ST7: variants seen among roughly 807,000 people sequenced by gnomAD.
The protein encoded by ST7 is suppression of tumorigenicity 7, also known as suppressor of tumorigenicity 7 protein.
Under a neutral mutation model 78.7 loss-of-function variants are expected in ST7, and 28 were observed. The ratio of observed to expected loss-of-function variants is 0.36; its 90% CI spans 0.26 to 0.49. The LOEUF (loss-of-function observed/expected upper bound fraction) is 0.49, where lower values mean the gene tolerates loss of function less well. ST7 is among the 20% of genes least tolerant of loss of function. ST7 has a pLI of 0.99. For missense variants in ST7, 418 were observed against 696.0 expected (o/e 0.60, Z 4.49); for synonymous variants, 247 against 249.6 (o/e 0.99, Z 0.10).
At chr7:117,185,954 A>G (rs1400081731) in intron 10 of ST7, among the ~76,000 whole-genome samples, 2 of 152,176 alleles carry the variant, frequency 1.3e-5, no homozygotes, top group Admixed American at 6.5e-5. Flanking sequence ...TAATAAATAA[A>G]TAAATTAGGC....
intron 2 of ST7, among the ~76,000 whole-genome samples, chr7:117,103,858 A>T (rs1034818194): frequency 2.0e-5 from 3 of 152,246 alleles, no homozygotes; most frequent in African/African-American, 7.2e-5. Flanking sequence ...AGAGATTAAT[A>T]ACCAGAATAT....
At chr7:117,185,965 A>G (rs992764481) in intron 10 of ST7, among the ~76,000 whole-genome samples, 1 of 152,226 alleles carries the variant, frequency 6.6e-6, no homozygotes, top group Non-Finnish European at 1.5e-5. Context: ...TAAATTAGGC[A>G]CAGTAAGAGA....
chr7:117,204,088 C>A (rs565449666), intron 12 of ST7, among the ~76,000 whole-genome samples: 1 of 152,126 alleles, frequency 6.6e-6, no homozygotes, highest in African/African-American at 2.4e-5. Flanking sequence ...CCATATCGGT[C>A]GGTTAATGAC....
At chr7:116,972,302 C>T (rs1375801136) in intron 1 of ST7, 16 of 577,336 alleles carry the variant, frequency 2.8e-5, no homozygotes, top group South Asian at 2.0e-4. Flanking sequence ...TCAGCAAACC[C>T]ATCACGGGCC....
At chr7:117,034,579 T>G (rs537850619) in intron 1 of ST7, among the ~76,000 whole-genome samples, 7 of 152,222 alleles carry the variant, frequency 4.6e-5, no homozygotes, top group Non-Finnish European at 1.0e-4. Flanking sequence ...ATTTATACCC[T>G]TGTAATGGTA....
At chr7:117,079,851 C>T (rs917521550) in intron 1 of ST7, among the ~76,000 whole-genome samples, 2 of 151,276 alleles carry the variant, frequency 1.3e-5, no homozygotes, top group African/African-American at 4.9e-5. Flanking sequence ...TTTTCTTCCA[C>T]TGATTAAAAT....
In ST7 at chr7:117,097,893, TA is replaced by T. The variant is rs1563078764; in HGVS notation, c.152-1868del. ...TATGACATATCACTATATATATATA[TA>T]TATATATATATATATTTTTTTTTTT... On this transcript the variant is annotated intron_variant, in intron 1 of 15. Transcript: ENST00000323984. Among the ~76,000 whole-genome samples, 23 of 23,434 alleles carry T rather than the reference TA, an allele frequency of 9.8e-4. 2 individuals carry two copies. The South Asian group carries it at 0.022, about 22-fold the overall frequency. The allele number at this position is 23,434 out of a possible 152,430, so 15.4% of individuals were successfully genotyped here.
chr7:117,018,716 G>T (rs1254877935), intron 1 of ST7, among the ~76,000 whole-genome samples: 1 of 152,154 alleles, frequency 6.6e-6, no homozygotes, highest in African/African-American at 2.4e-5. Context: ...GATAAAAGTG[G>T]TATATACCTT....
At chr7:116,965,687 A>G (rs570492803) in intron 1 of ST7, among the ~76,000 whole-genome samples, 6 of 152,324 alleles carry the variant, frequency 3.9e-5, no homozygotes, top group African/African-American at 1.4e-4. Flanking sequence ...GGAGAGTTGA[A>G]GGAACTGTGA....
intron 1 of ST7, among the ~76,000 whole-genome samples, chr7:117,062,711 A>C (rs1257527630): frequency 6.6e-6 from 1 of 152,210 alleles, no homozygotes; most frequent in Non-Finnish European, 1.5e-5. Flanking sequence ...GGGTAAGTTA[A>C]ATTAAATGTA....
At chr7:117,051,918 A>C (rs1052161622) in intron 1 of ST7, among the ~76,000 whole-genome samples, 7 of 152,202 alleles carry the variant, frequency 4.6e-5, no homozygotes, top group African/African-American at 1.4e-4. Context: ...GCCAAAGGAA[A>C]TTTGAAGGTT....
chr7:117,052,690 C>A (rs1161394556), intron 1 of ST7, among the ~76,000 whole-genome samples: 1 of 152,156 alleles, frequency 6.6e-6, no homozygotes, highest in Non-Finnish European at 1.5e-5. Flanking sequence ...GTCAGGAGAT[C>A]AAGACCATCC....
intron 1 of ST7, chr7:117,023,085 C>G (rs980649579): frequency 2.6e-5 from 4 of 152,076 alleles, no homozygotes; most frequent in African/African-American, 9.7e-5. Context: ...TTGCTCTTTG[C>G]CTGTAAGAGA....
chr7:117,145,713 T>G (rs1426111538), intron 9 of ST7: 2 of 152,316 alleles, frequency 1.3e-5, no homozygotes, highest in Non-Finnish European at 2.9e-5. Context: ...GTACTGAGGG[T>G]TAGGATCTCA....
At chr7:117,208,900 T>TGG (rs1469878687) in intron 12 of ST7, among the ~76,000 whole-genome samples, 105 of 99,400 alleles carry the variant, frequency 1.1e-3, no homozygotes, top group Middle Eastern at 5.1e-3. Flanking sequence ...GGTGTATGTG[T>TGG]GGGTGTGTGT....
At chr7:116,972,526 A>ATATTT in intron 1 of ST7, 1 of 1,062,460 alleles carries the variant, frequency 9.4e-7, no homozygotes, top group African/African-American at 1.6e-5. Context: ...CTTATGAGCT[A>ATATTT]CCTCTTCATA....
chr7:117,083,439 G>A (rs1273857038), intron 1 of ST7, among the ~76,000 whole-genome samples: 1 of 151,962 alleles, frequency 6.6e-6, no homozygotes, highest in Non-Finnish European at 1.5e-5. Flanking sequence ...TGTATTTTTA[G>A]TAGGGATGGG....
intron 1 of ST7, among the ~76,000 whole-genome samples, chr7:117,033,358 A>G (rs1796701512): frequency 6.6e-6 from 1 of 152,060 alleles, no homozygotes; most frequent in East Asian, 1.9e-4. Context: ...GGATGAGATG[A>G]ATGAAATTAT....
At chr7:117,048,202 G>A (rs1378999933) in intron 1 of ST7, among the ~76,000 whole-genome samples, 1 of 152,078 alleles carries the variant, frequency 6.6e-6, no homozygotes, top group African/African-American at 2.4e-5. Flanking sequence ...CTGTCTCAGG[G>A]GTGGCAGAGA....
Sources: gnomAD v4.1 joint callset for allele counts (sites outside exome capture counted in the v4.1 genomes callset) on GRCh38, gnomAD v4.1.1 for gene constraint, MANE v1.5 for transcripts, NCBI Gene and HGNC (gene_info 2026-07-23, HGNC 2026-07-21) for gene names.